HDAC9: variants seen among roughly 807,000 people sequenced by gnomAD.
HDAC9 encodes the protein MEF-2 interacting transcription repressor (MITR) protein.
In HDAC9, 41 loss-of-function variants were observed where a neutral mutation model predicts 139.4. That is an observed-to-expected ratio of 0.29 (90% confidence interval 0.23 to 0.38). The LOEUF (loss-of-function observed/expected upper bound fraction) is 0.38. Among genes scored for constraint, HDAC9 ranks in the 10% least tolerant of loss-of-function variants. The pLI is 1.00. For synonymous variants in HDAC9, 517 were observed against 476.2 expected (o/e 1.09, Z -1.12); for missense variants, 1,147 against 1,297.0 (o/e 0.88, Z 1.78).
intron 16 of HDAC9, among the ~76,000 whole-genome samples, chr7:18,784,048 G>T (rs145885987): frequency 6.6e-6 from 1 of 151,966 alleles, no homozygotes; most frequent in African/African-American, 2.4e-5. Flanking sequence ...GTGGCTTTCG[G>T]TGTCATTTGA....
intron 22 of HDAC9, among the ~76,000 whole-genome samples, chr7:18,925,775 C>T (rs1222297291): frequency 6.6e-6 from 1 of 151,776 alleles, no homozygotes; most frequent in African/African-American, 2.4e-5. Flanking sequence ...TCACCCTCAC[C>T]CCCATCTTTG....
rs367567016 is a variant in HDAC9 at position 18,634,683 on chromosome 7, C to G, written c.853C>G (p.Pro285Ala). 6.3e-7 allele frequency: 1 copy of G among 1,598,502 alleles called. No individual in the cohort carries two copies. The highest frequency in any genetic ancestry group is 1.3e-5 in the African/African-American group (1 of 74,576). ...TGGTCCCAGTTCACCAAACAATGGGCCAACTGGAAGTGTTACTGAAAATGA... is the reference window on the plus strand; with the variant it reads ...TGGTCCCAGTTCACCAAACAATGGGGCAACTGGAAGTGTTACTGAAAATGA... ...GSGPSSPNNG[P>A]TGSVTENETS... The change falls in exon 8 of 26, where the codon CCA (proline) becomes GCA (alanine). Residue 285 changes from proline (P) to alanine (A), a missense_variant. Transcript: ENST00000686413.
At chr7:18,480,755 GATT>G (rs1795486355) in intron 1 of HDAC9, among the ~76,000 whole-genome samples, 1 of 151,828 alleles carries the variant, frequency 6.6e-6, no homozygotes, top group Non-Finnish European at 1.5e-5. Context: ...GTTCTTAAGT[GATT>G]TTTTTCTAGT....
chr7:18,803,054 C>G (rs1585064059), intron 17 of HDAC9, among the ~76,000 whole-genome samples: 1 of 151,586 alleles, frequency 6.6e-6, no homozygotes, highest in African/African-American at 2.4e-5. Context: ...TGGTTTGTCC[C>G]CTTACTTTCA....
upstream of HDAC9, among the ~76,000 whole-genome samples, chr7:18,286,366 A>G (rs751784474): frequency 1.1e-4 from 16 of 149,906 alleles, no homozygotes; most frequent in Non-Finnish European, 1.8e-4. Flanking sequence ...GTGAAAATTC[A>G]ATAATAATTA....
At chr7:18,775,022 A>C (rs560704660) in intron 16 of HDAC9, among the ~76,000 whole-genome samples, 4 of 152,124 alleles carry the variant, frequency 2.6e-5, no homozygotes, top group African/African-American at 9.6e-5. Context: ...GTCTAATTTC[A>C]ATATTCCTGA....
chr7:18,652,581 A>C (rs1359078325), intron 11 of HDAC9, among the ~76,000 whole-genome samples: 1 of 152,132 alleles, frequency 6.6e-6, no homozygotes, highest in East Asian at 1.9e-4. Context: ...GTTGTGAGGT[A>C]ATTTGACATA....
chr7:18,343,534 G>T (rs1435063226), intron 1 of HDAC9, among the ~76,000 whole-genome samples: 2 of 151,724 alleles, frequency 1.3e-5, no homozygotes, highest in East Asian at 3.9e-4. Context: ...ACAGAATATT[G>T]AGAAAGGGAA....
intron 12 of HDAC9, among the ~76,000 whole-genome samples, chr7:18,673,964 C>T (rs1049344036): frequency 6.6e-6 from 1 of 152,068 alleles, no homozygotes; most frequent in Non-Finnish European, 1.5e-5. Flanking sequence ...GCTCCATTCT[C>T]ATCTCAAAGT....
At chr7:18,302,062 C>A (rs967340806) in intron 1 of HDAC9, among the ~76,000 whole-genome samples, 1 of 152,160 alleles carries the variant, frequency 6.6e-6, no homozygotes, top group Admixed American at 6.5e-5. Flanking sequence ...GTGTTAAGAA[C>A]AGCAGCCTTA....
intron 1 of HDAC9, among the ~76,000 whole-genome samples, chr7:18,139,896 T>G (rs1360668151): frequency 6.6e-6 from 1 of 152,154 alleles, no homozygotes; most frequent in Non-Finnish European, 1.5e-5. Context: ...CTAGAGCCTC[T>G]GGGGGAGAAC....
At chr7:18,794,571 T>C (rs529027867) in intron 17 of HDAC9, among the ~76,000 whole-genome samples, 1 of 152,348 alleles carries the variant, frequency 6.6e-6, no homozygotes, top group South Asian at 2.1e-4. Context: ...TATTAGGACA[T>C]TGCTCATCTC....
At chr7:18,818,656 A>T (rs1794744528) in intron 17 of HDAC9, among the ~76,000 whole-genome samples, 1 of 152,178 alleles carries the variant, frequency 6.6e-6, no homozygotes, top group East Asian at 1.9e-4. Flanking sequence ...TTAAAGTCTG[A>T]ATCATCTTGA....
intron 2 of HDAC9, among the ~76,000 whole-genome samples, chr7:18,200,665 A>C (rs569645144): frequency 6.6e-6 from 1 of 152,202 alleles, no homozygotes; most frequent in Admixed American, 6.5e-5. Flanking sequence ...GTTCAACATT[A>C]TGAATGATAT....
chr7:18,145,039 T>C (rs1786200231), intron 1 of HDAC9, among the ~76,000 whole-genome samples: 1 of 152,260 alleles, frequency 6.6e-6, no homozygotes, highest in African/African-American at 2.4e-5. Flanking sequence ...TTCACTTGCT[T>C]TGTGTTTCCA....
At chr7:18,946,692 T>C (rs1220510035) in intron 23 of HDAC9, among the ~76,000 whole-genome samples, 1 of 151,844 alleles carries the variant, frequency 6.6e-6, no homozygotes, top group East Asian at 1.9e-4. Flanking sequence ...AATGAAAAAA[T>C]TGGCAAAACC....
At chr7:18,790,478 T>C (rs1049307596) in intron 16 of HDAC9, among the ~76,000 whole-genome samples, 4 of 152,158 alleles carry the variant, frequency 2.6e-5, no homozygotes, top group African/African-American at 9.7e-5. Context: ...CCAAATGGGT[T>C]GGCACCTTTA....
chr7:18,644,831 G>T, intron 9 of HDAC9, 38 bp downstream of exon 9: 1 of 1,567,808 alleles, frequency 6.4e-7, no homozygotes. Context: ...ATCAACCTAA[G>T]CAATATCTTT....
At chr7:18,759,201 G>T (rs1236474282) in intron 14 of HDAC9, among the ~76,000 whole-genome samples, 1 of 152,068 alleles carries the variant, frequency 6.6e-6, no homozygotes, top group South Asian at 2.1e-4. Context: ...CGATTCAGCA[G>T]GTTTCTTCTT....
Sources: allele counts gnomAD v4.1 joint callset (sites outside exome capture counted in the v4.1 genomes callset), GRCh38; gene constraint gnomAD v4.1.1; transcripts MANE v1.5; gene names NCBI Gene and HGNC (gene_info 2026-07-23, HGNC 2026-07-21).